STK10: variants seen among roughly 807,000 people sequenced by gnomAD.
STK10 encodes serine/threonine-protein kinase 10.
A neutral mutation model predicts 113.8 loss-of-function variants in STK10; 78 were observed. That is an observed-to-expected ratio of 0.69 (90% confidence interval 0.57 to 0.83). The LOEUF is 0.83. Among genes scored for constraint, STK10 ranks in the 40% least tolerant of loss-of-function variants. The pLI is 0.00. For missense variants in STK10, 1,109 were observed against 1,280.1 expected (o/e 0.87, Z 2.04); for synonymous variants, 465 against 494.7 (o/e 0.94, Z 0.80).
In STK10 at chr5:172,093,831, A is replaced by G. The variant is rs1451859080; in HGVS notation, c.1135T>C (p.Cys379Arg). The change falls in exon 9 of 19, where the codon TGC (cysteine) becomes CGC (arginine). Residue 379 changes from cysteine to arginine, a missense_variant. By Grantham distance (180) the Cys-to-Arg change is radical. This residue lies in a region of STK10 where 885 missense variants were observed against 991.1 expected (regional missense o/e 0.89). Coordinates refer to ENST00000176763, the MANE Select transcript of STK10 (RefSeq NM_005990.4). This position sits in a 1 kb window ranked among gnomAD's most constrained non-coding sequence, Gnocchi z 4.1. ...SQSQDSVNEP[C>R]SQPSGDRSLQ... ...GATCTGTCCCCAGAGGGCTGGCTGC[A>G]GGGCTCATTCACACTGTCCTGAGAC... 8.1e-6 allele frequency: 13 copies of G among 1,603,288 alleles called. No homozygotes were observed. Among genetic ancestry groups the G allele is most frequent in the Non-Finnish European group, 1.1e-5 (13 of 1,172,634 alleles).
chr5:172,077,011 TG>T (rs61213377), intron 12 of STK10, among the ~76,000 whole-genome samples: 25,610 of 152,126 alleles, frequency 0.17, 2,389 homozygotes, highest in African/African-American at 0.24. Flanking sequence ...TAGAGTCACA[TG>T]GGACCACTTG....
At chr5:172,174,070 T>A (rs758292640) in intron 1 of STK10, among the ~76,000 whole-genome samples, 2 of 151,410 alleles carry the variant, frequency 1.3e-5, no homozygotes, top group Non-Finnish European at 3.0e-5. Context: ...AGCCACGTCA[T>A]AACCACAATG....
At chr5:172,107,752 T>TGGAA in intron 5 of STK10, 28 bp downstream of exon 5, 1 of 1,611,694 alleles carries the variant, frequency 6.2e-7, no homozygotes, top group Non-Finnish European at 8.5e-7. Flanking sequence ...ATCCAGTCCA[T>TGGAA]TCCATTTCCA....
At chr5:172,048,005 C>G (rs577376090) in intron 18 of STK10, among the ~76,000 whole-genome samples, 3 of 148,938 alleles carry the variant, frequency 2.0e-5, no homozygotes, top group East Asian at 4.0e-4. Context: ...CGGGTTCAAG[C>G]CATTCTCCTG....
intron 13 of STK10, among the ~76,000 whole-genome samples, chr5:172,063,860 C>G (rs1331736067): frequency 1.3e-5 from 2 of 152,182 alleles, no homozygotes; most frequent in Non-Finnish European, 2.9e-5. Context: ...AATATGGACT[C>G]AAAAATTCTT....
At chr5:172,088,053 G>A (rs2113738764) in intron 10 of STK10, among the ~76,000 whole-genome samples, 1 of 152,112 alleles carries the variant, frequency 6.6e-6, no homozygotes, top group African/African-American at 2.4e-5. Context: ...AGCCTCCCGA[G>A]TAGCTGGGAC....
chr5:172,100,939 C>T (rs544023653), intron 7 of STK10, among the ~76,000 whole-genome samples: 2 of 152,244 alleles, frequency 1.3e-5, no homozygotes, highest in Non-Finnish European at 2.9e-5. Context: ...GTCAAGAGCA[C>T]AGACTCTTGA....
chr5:172,157,770 T>C (rs925187724), intron 1 of STK10, among the ~76,000 whole-genome samples: 24 of 152,106 alleles, frequency 1.6e-4, no homozygotes, highest in South Asian at 4.2e-4. Context: ...TTTGTGTTTT[T>C]AGTAGAGACA....
intron 18 of STK10, among the ~76,000 whole-genome samples, chr5:172,050,287 C>T (rs569938913): frequency 6.6e-6 from 1 of 152,336 alleles, no homozygotes; most frequent in South Asian, 2.1e-4. Context: ...CCGGTCAAAG[C>T]ATGATGGCTG....
chr5:172,119,789 G>A (rs111543849), intron 3 of STK10, among the ~76,000 whole-genome samples: 7,721 of 143,282 alleles, frequency 0.054, 468 homozygotes, highest in African/African-American at 0.13. Flanking sequence ...GCGTGAACCC[G>A]GGAGGCAGAG....
intron 1 of STK10, 110 bp from the exon 2 acceptor site, chr5:172,156,898 G>T: frequency 7.8e-7 from 1 of 1,285,156 alleles, no homozygotes; most frequent in Non-Finnish European, 1.1e-6. Flanking sequence ...CGGATGTCCA[G>T]ATGCTGAACC....
chr5:172,058,614 G>C (rs1767856733), intron 14 of STK10, among the ~76,000 whole-genome samples: 1 of 152,158 alleles, frequency 6.6e-6, no homozygotes, highest in African/African-American at 2.4e-5. Context: ...TGTACGGCCA[G>C]GCACAGTGGC....
chr5:172,082,888 A>T lies in STK10; in HGVS notation c.1809+73T>A. 6.3e-7 allele frequency: 1 copy of T among 1,583,270 alleles called. No individual in the cohort carries two copies. On this transcript the variant is annotated intron_variant, in intron 11 of 18. Transcript: ENST00000176763. The surrounding 1 kb of genome is among the most constrained non-coding windows in gnomAD (Gnocchi z 4.3). The stretch of plus-strand genomic sequence containing the variant: ...TACTCTCCACTACCCAATCATTCCC[A>T]CTATGTAGCTTCCACTGAGAGAACA...
At chr5:172,107,713 G>A (rs1310050995) in intron 5 of STK10, 67 bp downstream of exon 5, 10 of 1,524,100 alleles carry the variant, frequency 6.6e-6, no homozygotes, top group East Asian at 4.5e-5. Context: ...TGTCTAAAGC[G>A]CCTGGTGGTC....
At chr5:172,048,747 A>G (rs1348554787) in intron 18 of STK10, among the ~76,000 whole-genome samples, 1 of 152,082 alleles carries the variant, frequency 6.6e-6, no homozygotes, top group Non-Finnish European at 1.5e-5. Flanking sequence ...TTTTCAAAAC[A>G]TGAGTCAGAC....
At chr5:172,064,617 G>T in intron 13 of STK10, 103 bp downstream of exon 13, 2 of 1,197,616 alleles carry the variant, frequency 1.7e-6, no homozygotes, top group East Asian at 2.3e-5. Flanking sequence ...TCAGAACGGG[G>T]TATTTGAGGG....
At chr5:172,151,212 C>T (rs2101594) in intron 2 of STK10, among the ~76,000 whole-genome samples, 80,185 of 152,084 alleles carry the variant, frequency 0.53, 23,545 homozygotes, top group African/African-American at 0.81. Context: ...GATCCCCATT[C>T]TACAGTTGAG....
rs186318824 is a variant in STK10, at chr5:172,137,114, C to T, written c.322-9693G>A. Among the ~76,000 whole-genome samples, 3 of 152,096 alleles carry T rather than the reference C, an allele frequency of 2.0e-5. No homozygotes were observed. In the East Asian group the frequency reaches 5.8e-4, roughly 29 times the overall value. On this transcript the variant is annotated intron_variant, in intron 2 of 18. Transcript: ENST00000176763. Reference sequence around the variant, plus strand: ...TGTTTTTGTTCTTAAGATATAAGGACATCAGGACAGTTCCTGGGTCTGTTA... The same window carrying T: ...TGTTTTTGTTCTTAAGATATAAGGATATCAGGACAGTTCCTGGGTCTGTTA...
At chr5:172,083,383 A>G (rs1412657093) in intron 10 of STK10, among the ~76,000 whole-genome samples, 1 of 152,188 alleles carries the variant, frequency 6.6e-6, no homozygotes, top group East Asian at 1.9e-4. Context: ...AGAATCACCT[A>G]TATAGATATA....
Sources: gnomAD v4.1 joint callset for allele counts (sites outside exome capture counted in the v4.1 genomes callset) on GRCh38, gnomAD v4.1.1 for gene constraint, gnomAD v4.1.1 regional missense constraint, Gnocchi (gnomAD v3.1) non-coding constraint, MANE v1.5 for transcripts, NCBI Gene and HGNC (gene_info 2026-07-23, HGNC 2026-07-21) for gene names.